The following EIF4E variants were observed in gnomAD, a reference collection of about 807,000 sequenced individuals.
The protein encoded by EIF4E is eIF-4F 25 kDa subunit.
For missense variants in EIF4E, 113 were observed against 265.6 expected (o/e 0.43, Z 3.99); for synonymous variants, 71 against 88.5 (o/e 0.80, Z 1.11).
chr4:98,910,734 CTT>C (rs201056576), intron 1 of EIF4E, among the ~76,000 whole-genome samples: 4 of 145,006 alleles, frequency 2.8e-5, no homozygotes, highest in Non-Finnish European at 1.5e-5. Context: ...TGGATGGATT[CTT>C]TTTTTTTTTT....
intron 5 of EIF4E, chr4:98,886,483 G>A (rs1298746066): frequency 1.8e-5 from 8 of 444,642 alleles, no homozygotes; most frequent in Non-Finnish European, 3.6e-5. Flanking sequence ...GGAGGCTGAA[G>A]TGGGAGGATC....
chr4:98,899,236 G>C (rs1724547609), intron 2 of EIF4E, among the ~76,000 whole-genome samples: 1 of 151,802 alleles, frequency 6.6e-6, no homozygotes, highest in Non-Finnish European at 1.5e-5. Context: ...TTGAAAGTAG[G>C]GGAAAAAAAA....
chr4:98,894,858 C>T (rs1289679418), intron 2 of EIF4E, among the ~76,000 whole-genome samples: 1 of 152,182 alleles, frequency 6.6e-6, no homozygotes, highest in Non-Finnish European at 1.5e-5. Context: ...TCCTCGTAAG[C>T]GTAATCATTT....
intron 1 of EIF4E, among the ~76,000 whole-genome samples, chr4:98,924,400 T>C (rs1273043954): frequency 6.6e-6 from 1 of 151,752 alleles, no homozygotes; most frequent in Non-Finnish European, 1.5e-5. Context: ...TTATGTAAAT[T>C]AAACAATATT....
chr4:98,881,405 T>C (rs1187611754), intron 6 of EIF4E, among the ~76,000 whole-genome samples: 1 of 151,940 alleles, frequency 6.6e-6, no homozygotes, highest in Non-Finnish European at 1.5e-5. Flanking sequence ...TATATTATTA[T>C]ATTGTTATTT....
intron 1 of EIF4E, among the ~76,000 whole-genome samples, chr4:98,910,828 C>T (rs1294752939): frequency 2.0e-5 from 3 of 151,504 alleles, no homozygotes; most frequent in African/African-American, 7.3e-5. Context: ...CTCCTGGGTT[C>T]AAGCAGTTCT....
At chr4:98,884,590 G>C (rs1439415404) in intron 6 of EIF4E, among the ~76,000 whole-genome samples, 1 of 152,072 alleles carries the variant, frequency 6.6e-6, no homozygotes, top group African/African-American at 2.4e-5. Flanking sequence ...TGTATTCCCA[G>C]CTACTCGGGA....
At chr4:98,907,949 C>T (rs758880417) in intron 1 of EIF4E, among the ~76,000 whole-genome samples, 27 of 152,190 alleles carry the variant, frequency 1.8e-4, no homozygotes, top group Admixed American at 7.9e-4. Flanking sequence ...TGAGTAAATG[C>T]GGCATACTGA....
At chr4:98,888,931 C>A (rs1469209343) in intron 3 of EIF4E, among the ~76,000 whole-genome samples, 1 of 152,040 alleles carries the variant, frequency 6.6e-6, no homozygotes, top group Non-Finnish European at 1.5e-5. Flanking sequence ...GAGGCCGAGG[C>A]AGGTGGATCA....
At chr4:98,881,425 CTATAAT>C (rs201876303) in intron 6 of EIF4E, among the ~76,000 whole-genome samples, 4,457 of 152,058 alleles carry the variant, frequency 0.029, 106 homozygotes, top group Middle Eastern at 0.054. Flanking sequence ...TATTATGATA[CTATAAT>C]TATTACTAAA....
chr4:98,912,779 ACTG>A (rs1438517919), intron 1 of EIF4E, among the ~76,000 whole-genome samples: 1 of 152,214 alleles, frequency 6.6e-6, no homozygotes, highest in African/African-American at 2.4e-5. Context: ...AAAGAATTTA[ACTG>A]CTATTTAAAC....
intron 1 of EIF4E, among the ~76,000 whole-genome samples, chr4:98,918,187 AC>A (rs747880993): frequency 9.8e-4 from 148 of 151,608 alleles, no homozygotes; most frequent in Non-Finnish European, 1.8e-3. Context: ...ACATGATGAA[AC>A]CCTGTCTCTA....
intron 5 of EIF4E, chr4:98,886,627 A>G (rs1358526099): frequency 5.6e-6 from 2 of 354,282 alleles, no homozygotes; most frequent in Non-Finnish European, 1.1e-5. Context: ...AAGTGGGAGG[A>G]TCACTTGAAC....
chr4:98,927,253 A>T (rs1274305051), intron 1 of EIF4E, among the ~76,000 whole-genome samples: 1 of 152,238 alleles, frequency 6.6e-6, no homozygotes, highest in African/African-American at 2.4e-5. Context: ...ACAAGTAAGC[A>T]AGCAGAGAAG....
At chr4:98,905,153 G>C (rs1209912169) in intron 1 of EIF4E, among the ~76,000 whole-genome samples, 1 of 150,718 alleles carries the variant, frequency 6.6e-6, no homozygotes, top group Non-Finnish European at 1.5e-5. Flanking sequence ...TACTCTCTTA[G>C]GCTAGTGTTC....
intron 2 of EIF4E, 175 bp from the exon 3 acceptor site, chr4:98,891,507 A>T: frequency 1.6e-6 from 1 of 624,300 alleles, no homozygotes; most frequent in Non-Finnish European, 2.8e-6. Flanking sequence ...AAATTCTAAC[A>T]CTTCATAAAA....
At chr4:98,913,331 T>C (rs1294014313) in intron 1 of EIF4E, among the ~76,000 whole-genome samples, 1 of 152,174 alleles carries the variant, frequency 6.6e-6, no homozygotes. Flanking sequence ...AAATTTTTTT[T>C]TTCTTCTTTT....
chr4:98,909,887 C>CA, intron 1 of EIF4E: 1 of 597,548 alleles, frequency 1.7e-6, no homozygotes, highest in Non-Finnish European at 3.0e-6. Flanking sequence ...GACAGAGAGC[C>CA]AGGGTAATCA....
chr4:98,911,275 C>T (rs1725115452), intron 1 of EIF4E, among the ~76,000 whole-genome samples: 1 of 151,194 alleles, frequency 6.6e-6, no homozygotes, highest in Admixed American at 6.6e-5. Flanking sequence ...GTCTTGAACT[C>T]CTGACCTCGT....
Sources: gnomAD v4.1 joint callset for allele counts (sites outside exome capture counted in the v4.1 genomes callset) on GRCh38, gnomAD v4.1.1 for gene constraint, MANE v1.5 for transcripts, NCBI Gene and HGNC (gene_info 2026-07-23, HGNC 2026-07-21) for gene names.